The following CNTN5 variants were observed in gnomAD, a reference collection of about 807,000 sequenced individuals.
CNTN5 encodes the protein contactin-5.
A neutral mutation model predicts 129.1 loss-of-function variants in CNTN5; 77 were observed. The ratio of observed to expected loss-of-function variants is 0.60; its 90% CI spans 0.50 to 0.72. The LOEUF (loss-of-function observed/expected upper bound fraction) is 0.72, where lower values mean the gene tolerates loss of function less well. Ranked by LOEUF, CNTN5 falls within the 30% of genes least tolerant of loss-of-function variation. The pLI is 0.00. For missense variants in CNTN5, 1,478 were observed against 1,328.8 expected, an observed-to-expected ratio of 1.11 and a Z score of -1.75; for synonymous variants, 509 against 465.6, an observed-to-expected ratio of 1.09 and a Z score of -1.20.
At chr11:99,738,651 G>GTGTGTGTGTGTGTGTGTA (rs1355359385) in intron 3 of CNTN5, among the ~76,000 whole-genome samples, 1 of 151,570 alleles carries the variant, frequency 6.6e-6, no homozygotes, top group African/African-American at 2.4e-5. Flanking sequence ...GTATGTGTGT[G>GTGTGTGTGTGTGTGTGTA]TAGAACCTGG....
intron 1 of CNTN5, among the ~76,000 whole-genome samples, chr11:99,293,572 C>T (rs1352860760): frequency 6.6e-6 from 1 of 152,016 alleles, no homozygotes; most frequent in Admixed American, 6.6e-5. Flanking sequence ...GATGGGAGAA[C>T]TTTTATTACT....
At chr11:100,051,775 C>G (rs768738668) in intron 9 of CNTN5, among the ~76,000 whole-genome samples, 1 of 151,882 alleles carries the variant, frequency 6.6e-6, no homozygotes, top group African/African-American at 2.4e-5. Context: ...CACTACGTCT[C>G]TATCCTAAAA....
At chr11:99,138,479 TATAGTTCTTAA>T (rs1859346861) in intron 1 of CNTN5, among the ~76,000 whole-genome samples, 1 of 152,184 alleles carries the variant, frequency 6.6e-6, no homozygotes, top group Non-Finnish European at 1.5e-5. Flanking sequence ...GTCACTCCCT[TATAGTTCTTAA>T]ACCAAGATAA....
intron 3 of CNTN5, among the ~76,000 whole-genome samples, chr11:99,753,368 C>T (rs61911566): frequency 0.19 from 28,722 of 151,136 alleles, 3,573 homozygotes; most frequent in East Asian, 0.63. Context: ...GTGATTCACC[C>T]GCCTCAGCCT....
intron 13 of CNTN5, among the ~76,000 whole-genome samples, chr11:100,157,062 CTTGTTCTT>C (rs540278486): frequency 1.0e-3 from 152 of 152,076 alleles, no homozygotes; most frequent in African/African-American, 3.5e-3. Context: ...TCTTGCTTCT[CTTGTTCTT>C]TTAATTGTGA....
chr11:99,997,949 T>C lies in CNTN5; in HGVS notation c.878-4085T>C, dbSNP rs1939568139. On this transcript the variant is annotated intron_variant, in intron 8 of 24. Coordinates refer to ENST00000524871, the MANE Select transcript of CNTN5 (RefSeq NM_014361.4). ...ATACAGAAAAGGCCTTTGACAAAAT[T>C]CAACAATCTTCATGCTAAAAACTCT... Among the ~76,000 whole-genome samples, 3 of 152,196 alleles carry C rather than the reference T, an allele frequency of 2.0e-5. No homozygotes were observed. In the South Asian group the frequency reaches 6.2e-4, roughly 32 times the overall value.
chr11:99,957,017 G>T lies in CNTN5; in HGVS notation c.877+8G>T, dbSNP rs1156627090. 9 of 1,610,724 alleles carry T rather than the reference G, an allele frequency of 5.6e-6. No individual in the cohort carries two copies. Among genetic ancestry groups the T allele is most frequent in the Non-Finnish European group, 7.6e-6 (9 of 1,178,030 alleles). On this transcript the variant is annotated splice_region_variant and intron_variant, in intron 8 of 24. Transcript: ENST00000524871. Reference sequence around the variant, plus strand: ...TCACTCTGCGTAATGATGGTAAGTTGCTTGGCCCGTTAAAATGGTCAGCCA... The same window carrying T: ...TCACTCTGCGTAATGATGGTAAGTTTCTTGGCCCGTTAAAATGGTCAGCCA...
At chr11:99,904,056 T>C (rs1219500529) in intron 6 of CNTN5, among the ~76,000 whole-genome samples, 2 of 152,184 alleles carry the variant, frequency 1.3e-5, no homozygotes, top group South Asian at 2.1e-4. Flanking sequence ...TTTTTAATGA[T>C]ATTTTTGTTT....
intron 6 of CNTN5, among the ~76,000 whole-genome samples, chr11:99,914,805 TAAG>T (rs999682338): frequency 3.9e-5 from 6 of 152,136 alleles, no homozygotes; most frequent in African/African-American, 7.2e-5. Context: ...TGGATGTGTT[TAAG>T]AAGATTTGGT....
chr11:100,202,558 T>C (rs1288590746), intron 15 of CNTN5, among the ~76,000 whole-genome samples: 1 of 150,388 alleles, frequency 6.6e-6, no homozygotes, highest in Non-Finnish European at 1.5e-5. Context: ...TTTATATATT[T>C]ATATTAAAAG....
At chr11:99,616,842 G>A (rs1414422655) in intron 3 of CNTN5, among the ~76,000 whole-genome samples, 3 of 152,224 alleles carry the variant, frequency 2.0e-5, no homozygotes, top group Admixed American at 2.0e-4. Flanking sequence ...CTGGTGCAGT[G>A]GCTCACGCCT....
At chr11:99,811,533 A>T (rs1946428980) in intron 3 of CNTN5, among the ~76,000 whole-genome samples, 1 of 150,232 alleles carries the variant, frequency 6.7e-6, no homozygotes, top group Admixed American at 6.7e-5. Flanking sequence ...TTTACATTGG[A>T]TGGCAATGTT....
At chr11:99,396,085 A>G (rs1483120298) in intron 2 of CNTN5, among the ~76,000 whole-genome samples, 1 of 151,628 alleles carries the variant, frequency 6.6e-6, no homozygotes, top group Non-Finnish European at 1.5e-5. Flanking sequence ...TGAAATATCA[A>G]TGGTAGTTTA....
intron 16 of CNTN5, among the ~76,000 whole-genome samples, chr11:100,239,998 A>C (rs1042881301): frequency 2.0e-5 from 3 of 152,212 alleles, no homozygotes; most frequent in Admixed American, 6.5e-5. Context: ...AGTAAACTTC[A>C]TTTGAAATAC....
At chr11:99,365,495 G>A (rs1939390303) in intron 2 of CNTN5, among the ~76,000 whole-genome samples, 1 of 152,076 alleles carries the variant, frequency 6.6e-6, no homozygotes, top group African/African-American at 2.4e-5. Flanking sequence ...ATTTTAGAGA[G>A]GCTTAGAGCC....
intron 3 of CNTN5, among the ~76,000 whole-genome samples, chr11:99,569,353 G>A (rs1055655948): frequency 8.6e-5 from 13 of 151,566 alleles, no homozygotes; most frequent in Non-Finnish European, 1.6e-4. Flanking sequence ...TCGCTCTGGC[G>A]CCCAGGCTGG....
At chr11:99,094,292 A>G (rs997299161) in intron 1 of CNTN5, among the ~76,000 whole-genome samples, 1 of 152,026 alleles carries the variant, frequency 6.6e-6, no homozygotes, top group African/African-American at 2.4e-5. Flanking sequence ...CCCATGTATA[A>G]TTTAAATTAA....
intron 2 of CNTN5, among the ~76,000 whole-genome samples, chr11:99,494,442 A>T (rs1946150511): frequency 6.6e-6 from 1 of 152,208 alleles, no homozygotes; most frequent in African/African-American, 2.4e-5. Flanking sequence ...CCTTATTGGG[A>T]TAAATAATTG....
chr11:99,207,687 T>A (rs1383293372), intron 1 of CNTN5, among the ~76,000 whole-genome samples: 2 of 152,150 alleles, frequency 1.3e-5, no homozygotes, highest in Non-Finnish European at 2.9e-5. Flanking sequence ...AAAAAATAAT[T>A]TTGCTTATAA....
Sources: allele counts gnomAD v4.1 joint callset (sites outside exome capture counted in the v4.1 genomes callset), GRCh38; gene constraint gnomAD v4.1.1; transcripts MANE v1.5; gene names NCBI Gene and HGNC (gene_info 2026-07-23, HGNC 2026-07-21).